PDS5B: variants seen among roughly 807,000 people sequenced by gnomAD.
PDS5B encodes sister chromatid cohesion protein PDS5 homolog B.
Under a neutral mutation model 184.1 loss-of-function variants are expected in PDS5B, and 51 were observed. The observed-to-expected ratio is 0.28, with a 90% CI of 0.22 to 0.35. The LOEUF is 0.35. PDS5B is among the 10% of genes least tolerant of loss of function. The pLI, the probability that PDS5B is intolerant of heterozygous loss-of-function variation, is 1.00. For synonymous variants in PDS5B, 566 were observed against 569.2 expected, an observed-to-expected ratio of 0.99 and a Z score of 0.08; for missense variants, 1,180 against 1,723.3, an observed-to-expected ratio of 0.68 and a Z score of 5.58.
intron 1 of PDS5B, among the ~76,000 whole-genome samples, chr13:32,594,971 C>T (rs1217331185): frequency 3.3e-5 from 5 of 152,058 alleles, no homozygotes; most frequent in Admixed American, 6.6e-5. Flanking sequence ...ATAAATTAGC[C>T]TCATATACGT....
intron 22 of PDS5B, 109 bp downstream of exon 22, chr13:32,741,257 T>C: frequency 3.2e-6 from 2 of 625,784 alleles, no homozygotes; most frequent in Admixed American, 6.0e-5. Flanking sequence ...CACTCAAGTA[T>C]TTACATTTAT....
chr13:32,681,018 G>T (rs766607970), intron 10 of PDS5B, among the ~76,000 whole-genome samples: 1 of 152,124 alleles, frequency 6.6e-6, no homozygotes, highest in African/African-American at 2.4e-5. Context: ...TACATAGGCC[G>T]CAAAGGATTT....
chr13:32,735,131 A>G (rs1953284642), intron 20 of PDS5B, 41 bp from the exon 21 acceptor site: 3 of 1,252,804 alleles, frequency 2.4e-6, no homozygotes, highest in African/African-American at 1.5e-5. Flanking sequence ...TTATTTGTAT[A>G]TGTGTAGAGT....
intron 1 of PDS5B, among the ~76,000 whole-genome samples, chr13:32,599,787 T>C (rs918372694): frequency 6.6e-6 from 1 of 151,728 alleles, no homozygotes; most frequent in South Asian, 2.1e-4. Context: ...TGGTGGCGGG[T>C]GCCTGTAGTT....
intron 6 of PDS5B, among the ~76,000 whole-genome samples, chr13:32,660,239 A>G (rs1205321448): frequency 6.6e-6 from 1 of 152,186 alleles, no homozygotes; most frequent in Non-Finnish European, 1.5e-5. Flanking sequence ...GAAGCTGGCA[A>G]GTAGACCTGC....
chr13:32,773,076 GTAAC>G (rs1350917055), intron 33 of PDS5B, 109 bp from the exon 34 acceptor site: 21 of 808,470 alleles, frequency 2.6e-5, no homozygotes, highest in East Asian at 5.4e-5. Flanking sequence ...GTCTCATAAA[GTAAC>G]TGAGGGTAAA....
intron 29 of PDS5B, among the ~76,000 whole-genome samples, chr13:32,759,952 A>G (rs1954316124): frequency 6.6e-6 from 1 of 152,098 alleles, no homozygotes; most frequent in African/African-American, 2.4e-5. Flanking sequence ...ATCAAGATAA[A>G]AAAAATCTTA....
At chr13:32,617,804 C>G (rs2058241135) in intron 1 of PDS5B, among the ~76,000 whole-genome samples, 1 of 152,182 alleles carries the variant, frequency 6.6e-6, no homozygotes, top group Non-Finnish European at 1.5e-5. Context: ...TGCTGCTAAT[C>G]TTACTGTTGG....
At chr13:32,716,336 G>A (rs1249843426) in intron 19 of PDS5B, among the ~76,000 whole-genome samples, 2 of 151,324 alleles carry the variant, frequency 1.3e-5, no homozygotes, top group South Asian at 2.1e-4. Context: ...TGTGAGGAGC[G>A]CCCCTGCCCG....
intron 1 of PDS5B, among the ~76,000 whole-genome samples, chr13:32,590,678 C>A (rs2057760479): frequency 6.6e-6 from 1 of 152,128 alleles, no homozygotes; most frequent in South Asian, 2.1e-4. Context: ...GATTCTTTCT[C>A]CTCAGAGGTG....
Position 32,770,163 on chromosome 13 carries a change from A to C in PDS5B, c.3667A>C (p.Thr1223Pro). Residue 1223 changes from threonine (T) to proline (P), a missense_variant, in exon 32 of 35, where the codon ACA becomes CCA. Physicochemically the swap from Thr to Pro is conservative, Grantham distance 38 (BLOSUM62 -1). Around this residue, in one of 11 missense-constraint regions of PDS5B, gnomAD observed 465 missense variants for 497.8 expected, o/e 0.93. Coordinates refer to ENST00000315596, the MANE Select transcript of PDS5B (RefSeq NM_015032.4). The stretch of plus-strand genomic sequence containing the variant: ...TAGAGGCAGGAAAAAAACGCCCGTC[A>C]CAGAACAGGAGGAGAAATTAGGTAT... ...KPRGRKKTPV[T>P]EQEEKLGMDD... 1 of 1,613,920 alleles carries C rather than the reference A, an allele frequency of 6.2e-7. No individual in the cohort carries two copies.
At chr13:32,690,286 TGG>T (rs1951512527) in intron 13 of PDS5B, 1 of 152,240 alleles carries the variant, frequency 6.6e-6, no homozygotes, top group East Asian at 1.9e-4. Context: ...CTACCATGCC[TGG>T]GCAGGGCTGG....
chr13:32,753,527 G>A lies in PDS5B; in HGVS notation c.2932G>A (p.Ala978Thr). ...GCGGGAGTATCTGAAGCAGCATGCA[G>A]CTGTTAGTGGTAAGCATATAAGAAA... Reference protein sequence around the residue: ...VRREYLKQHAAVSEKLLSLLP... With the variant: ...VRREYLKQHATVSEKLLSLLP... Residue 978 changes from alanine (A) to threonine (T), a missense_variant, in exon 25 of 35, where the codon GCT (alanine) becomes ACT (threonine). Around this residue, in one of 11 missense-constraint regions of PDS5B, gnomAD observed 57 missense variants for 80.9 expected, o/e 0.70. Coordinates refer to ENST00000315596, the MANE Select transcript of PDS5B (RefSeq NM_015032.4). The A allele has an allele frequency of 1.2e-6, 2 of 1,611,232 alleles. No individual in the cohort carries two copies. Among genetic ancestry groups the A allele is most frequent in the Non-Finnish European group, 1.7e-6 (2 of 1,177,994 alleles).
chr13:32,703,743 A>T (rs992375228), intron 17 of PDS5B, among the ~76,000 whole-genome samples: 5 of 152,190 alleles, frequency 3.3e-5, no homozygotes, highest in African/African-American at 9.7e-5. Context: ...GACTCTTCCC[A>T]ACAGTGACTG....
rs867968961 is a variant in PDS5B at position 32,655,387 on chromosome 13, T to A, written c.313-2852T>A. On this transcript the variant is annotated intron_variant, in intron 3 of 34. Transcript: ENST00000315596. Reference sequence around the variant, plus strand: ...ATATATATATATATTTTTTTTTTTTTTTTTTTTTTTAGATGGAGTTTCACA... The same window carrying A: ...ATATATATATATATTTTTTTTTTTTATTTTTTTTTTAGATGGAGTTTCACA... Among the ~76,000 whole-genome samples, 209 of 122,656 alleles carry A rather than the reference T, an allele frequency of 1.7e-3. 2 individuals are homozygous for A. The highest frequency in any genetic ancestry group is 6.0e-3 in the African/African-American group (191 of 31,742). The allele number at this position is 122,656 out of a possible 152,430, so 80.5% of individuals were successfully genotyped here. A position where few individuals can be genotyped will look rare whatever the true frequency, so the allele number is the denominator to read the frequency against.
At chr13:32,734,247 G>A (rs1187121155) in intron 20 of PDS5B, among the ~76,000 whole-genome samples, 1 of 151,826 alleles carries the variant, frequency 6.6e-6, no homozygotes, top group African/African-American at 2.4e-5. Flanking sequence ...GGCTGGTCTC[G>A]AACTCCTGAC....
intron 13 of PDS5B, among the ~76,000 whole-genome samples, chr13:32,692,413 G>T (rs1951576819): frequency 4.7e-5 from 2 of 42,446 alleles, no homozygotes; most frequent in African/African-American, 1.5e-4. Context: ...CGTCCAAAAA[G>T]CCTTTTTTTT....
chr13:32,749,347 C>T (rs1030555730), intron 24 of PDS5B, among the ~76,000 whole-genome samples: 1 of 152,158 alleles, frequency 6.6e-6, no homozygotes, highest in Non-Finnish European at 1.5e-5. Flanking sequence ...TCCTCTGATA[C>T]GTACAGGACT....
chr13:32,740,836 C>T (rs1051862594), intron 21 of PDS5B, among the ~76,000 whole-genome samples: 19 of 151,928 alleles, frequency 1.3e-4, no homozygotes, highest in African/African-American at 4.3e-4. Context: ...AGTCCCACCA[C>T]AGACCTAGAA....
Sources: gnomAD v4.1 joint callset for allele counts (sites outside exome capture counted in the v4.1 genomes callset) on GRCh38, gnomAD v4.1.1 for gene constraint, gnomAD v4.1.1 regional missense constraint, MANE v1.5 for transcripts, NCBI Gene and HGNC (gene_info 2026-07-23, HGNC 2026-07-21) for gene names.